TIMP3: variants seen among roughly 807,000 people sequenced by gnomAD.
TIMP3 encodes the protein metalloproteinase inhibitor 3.
A neutral mutation model predicts 30.0 loss-of-function variants in TIMP3; 11 were observed. The observed-to-expected ratio is 0.37, with a 90% CI of 0.23 to 0.61. The LOEUF (loss-of-function observed/expected upper bound fraction) is 0.61, where lower values mean the gene tolerates loss of function less well. Ranked by LOEUF, TIMP3 falls within the 20% of genes least tolerant of loss-of-function variation. TIMP3 has a pLI of 0.70. For synonymous variants in TIMP3, 112 were observed against 111.3 expected, an observed-to-expected ratio of 1.01 and a Z score of -0.04; for missense variants, 181 against 276.8, an observed-to-expected ratio of 0.65 and a Z score of 2.45.
At chr22:32,833,157 T>A (rs2047628259) in intron 1 of TIMP3, among the ~76,000 whole-genome samples, 1 of 152,186 alleles carries the variant, frequency 6.6e-6, no homozygotes, top group African/African-American at 2.4e-5. Flanking sequence ...CAACCTTGTA[T>A]ACTGATCGGT....
intron 1 of TIMP3, among the ~76,000 whole-genome samples, chr22:32,841,892 C>T (rs932151150): frequency 2.0e-5 from 3 of 151,970 alleles, no homozygotes; most frequent in Non-Finnish European, 2.9e-5. Context: ...TCTAGGTTGG[C>T]GGTGGCAAAA....
intron 2 of TIMP3, among the ~76,000 whole-genome samples, chr22:32,850,382 T>C (rs1330497388): frequency 1.3e-5 from 2 of 151,998 alleles, no homozygotes; most frequent in African/African-American, 4.8e-5. Flanking sequence ...CTAAGCACCC[T>C]GGGATGCGGG....
At chr22:32,840,635 G>A (rs145053386) in intron 1 of TIMP3, among the ~76,000 whole-genome samples, 20 of 151,746 alleles carry the variant, frequency 1.3e-4, no homozygotes, top group Non-Finnish European at 2.8e-4. Flanking sequence ...TCTCCTTACC[G>A]CCGCCCCCTC....
chr22:32,833,857 G>T, intron 1 of TIMP3: 1 of 501,046 alleles, frequency 2.0e-6, no homozygotes, highest in South Asian at 1.4e-5. Flanking sequence ...GATCATGCAT[G>T]GAAAGTGCCT....
chr22:32,808,787 C>T (rs943053674), intron 1 of TIMP3, among the ~76,000 whole-genome samples: 4 of 152,170 alleles, frequency 2.6e-5, no homozygotes, highest in Non-Finnish European at 2.9e-5. Context: ...TTTAAGCATG[C>T]TGAAAAACAC....
chr22:32,831,228 T>C (rs1315154428), intron 1 of TIMP3, among the ~76,000 whole-genome samples: 1 of 152,138 alleles, frequency 6.6e-6, no homozygotes, highest in African/African-American at 2.4e-5. Context: ...CACCTTTTTC[T>C]GAGACTCTCA....
rs766333710 is a variant in TIMP3, at chr22:32,862,320, C to T, written c.*2943C>T. On this transcript the variant is annotated 3_prime_UTR_variant, in exon 5 of 5. Coordinates refer to ENST00000266085, the MANE Select transcript of TIMP3 (RefSeq NM_000362.5). ...GCTCCATGCTCAGGCTCTCAGCTCT[C>T]GGGCCAGTGCTCTGCTCTGTCCAGG... is the stretch of plus-strand genomic sequence containing the variant. 1 of 152,284 alleles carries T rather than the reference C, an allele frequency of 6.6e-6. No individual in the cohort carries two copies. The highest frequency in any genetic ancestry group is 1.5e-5 in the Non-Finnish European group (1 of 68,086). The allele number at this position is 152,284 out of a possible 1,614,324, so 9.4% of individuals were successfully genotyped here. A position where few individuals can be genotyped will look rare whatever the true frequency, so the allele number is the denominator to read the frequency against.
At position 32,857,240 on chromosome 22, in the gene TIMP3, T is replaced by C; in HGVS notation, c.205-9T>C. 6.2e-7 allele frequency: 1 copy of C among 1,607,552 alleles called. No homozygotes were observed. Among genetic ancestry groups the C allele is most frequent in the Non-Finnish European group, 8.5e-7 (1 of 1,174,108 alleles). On this transcript the variant is annotated splice_polypyrimidine_tract_variant and intron_variant, in intron 2 of 4. Coordinates refer to ENST00000266085, the MANE Select transcript of TIMP3 (RefSeq NM_000362.5). ...AAAGAAGAAGTCATGATGTTCCTTT[T>C]GCCCACAGATGTACCGAGGCTTCAC...
chr22:32,801,811 C>T lies in TIMP3; in HGVS notation c.-191C>T. ...GGAGGCCGCCCGCCGAGTCCTGCGC[C>T]AGCGCCGAGGCAGCCTCGCTGCGCC... On this transcript the variant is annotated 5_prime_UTR_variant, in exon 1 of 5. Transcript: ENST00000266085. The surrounding 1 kb of genome is among the most constrained non-coding windows in gnomAD (Gnocchi z 4.7). 1.8e-6 allele frequency: 1 copy of T among 557,386 alleles called. No homozygotes were observed. Among genetic ancestry groups the T allele is most frequent in the East Asian group, 5.5e-5 (1 of 18,164 alleles). 34.5% of individuals were successfully genotyped at this position (557,386 alleles called of 1,614,324 possible). A position where few individuals can be genotyped will look rare whatever the true frequency, so the allele number is the denominator to read the frequency against.
At chr22:32,814,440 G>A (rs2227046) in intron 1 of TIMP3, among the ~76,000 whole-genome samples, 2,128 of 152,238 alleles carry the variant, frequency 0.014, 23 homozygotes, top group Non-Finnish European at 0.022. Context: ...CTAAGCTACC[G>A]TATTAAACAG....
At chr22:32,818,846 G>C (rs1384647129) in intron 1 of TIMP3, among the ~76,000 whole-genome samples, 1 of 152,188 alleles carries the variant, frequency 6.6e-6, no homozygotes, top group Non-Finnish European at 1.5e-5. Context: ...ATCCAGTCTG[G>C]GTAAGAATTC....
intron 3 of TIMP3, among the ~76,000 whole-genome samples, chr22:32,857,664 G>A (rs2048408540): frequency 6.6e-6 from 1 of 152,100 alleles, no homozygotes; most frequent in African/African-American, 2.4e-5. Context: ...GACCTGTTAG[G>A]CCCGTCTTTG....
intron 1 of TIMP3, among the ~76,000 whole-genome samples, chr22:32,812,995 G>A (rs1041289803): frequency 1.3e-5 from 2 of 152,164 alleles, no homozygotes; most frequent in East Asian, 3.8e-4. Context: ...TATACTTAAG[G>A]TGGGAAGGTG....
intron 1 of TIMP3, among the ~76,000 whole-genome samples, chr22:32,832,277 G>A (rs926170242): frequency 6.6e-6 from 1 of 151,634 alleles, no homozygotes; most frequent in South Asian, 2.1e-4. Context: ...CCACTACAAC[G>A]AAGAGAAAGT....
chr22:32,820,286 GTGGT>G (rs1399455655), intron 1 of TIMP3, among the ~76,000 whole-genome samples: 1 of 150,398 alleles, frequency 6.6e-6, no homozygotes, highest in African/African-American at 2.4e-5. Context: ...GTGTGTGTGT[GTGGT>G]GTGTGTGGTG....
At chr22:32,825,791 A>C (rs1446892483) in intron 1 of TIMP3, among the ~76,000 whole-genome samples, 1 of 149,686 alleles carries the variant, frequency 6.7e-6, no homozygotes, top group Non-Finnish European at 1.5e-5. Flanking sequence ...TGTTTATCAT[A>C]GAGTTGTTTA....
chr22:32,844,810 A>C (rs1440897255), intron 1 of TIMP3, among the ~76,000 whole-genome samples: 3 of 151,982 alleles, frequency 2.0e-5, no homozygotes, highest in Non-Finnish European at 4.4e-5. Flanking sequence ...TCCTGGGCTC[A>C]AGCAATCCTC....
intron 1 of TIMP3, among the ~76,000 whole-genome samples, chr22:32,821,930 C>T (rs368298788): frequency 6.6e-6 from 1 of 152,052 alleles, no homozygotes; most frequent in Admixed American, 6.5e-5. Context: ...CCGAGGCAGG[C>T]GGATCACCTG....
At chr22:32,850,038 C>A (rs2048175845) in intron 2 of TIMP3, among the ~76,000 whole-genome samples, 1 of 151,078 alleles carries the variant, frequency 6.6e-6, no homozygotes, top group African/African-American at 2.4e-5. Context: ...TCACAGGAAC[C>A]TCATCCCAAG....
Sources: gnomAD v4.1 joint callset for allele counts (sites outside exome capture counted in the v4.1 genomes callset) on GRCh38, gnomAD v4.1.1 for gene constraint, Gnocchi (gnomAD v3.1) non-coding constraint, MANE v1.5 for transcripts, NCBI Gene and HGNC (gene_info 2026-07-23, HGNC 2026-07-21) for gene names.